Variants in LRMDA observed in about 807,000 individuals in gnomAD.
LRMDA encodes leucine rich melanocyte differentiation associated, also known as leucine-rich melanocyte differentiation-associated protein.
Under a neutral mutation model 29.8 loss-of-function variants are expected in LRMDA, and 18 were observed. The observed-to-expected ratio is 0.60, with a 90% CI of 0.42 to 0.90. LRMDA has a LOEUF of 0.90. Among genes scored for constraint, LRMDA ranks in the 40% least tolerant of loss-of-function variants. The pLI, the probability that LRMDA is intolerant of heterozygous loss-of-function variation, is 0.00. For missense variants in LRMDA, 273 were observed against 273.9 expected, an observed-to-expected ratio of 1.00 and a Z score of 0.02; for synonymous variants, 125 against 109.4, an observed-to-expected ratio of 1.14 and a Z score of -0.89.
intron 2 of LRMDA, among the ~76,000 whole-genome samples, chr10:75,825,298 T>A (rs1241307977): frequency 6.6e-6 from 1 of 152,178 alleles, no homozygotes; most frequent in African/African-American, 2.4e-5. Context: ...CTACAAACTT[T>A]GGGTGGTGTT....
chr10:75,956,105 CA>C (rs1466453325), intron 2 of LRMDA, among the ~76,000 whole-genome samples: 3 of 152,168 alleles, frequency 2.0e-5, no homozygotes, highest in African/African-American at 7.2e-5. Flanking sequence ...GTCAGGACTG[CA>C]GTCACCTGAA....
intron 5 of LRMDA, among the ~76,000 whole-genome samples, chr10:76,147,970 G>A (rs1850361225): frequency 6.6e-6 from 1 of 152,142 alleles, no homozygotes; most frequent in Non-Finnish European, 1.5e-5. Context: ...TGTTTGCCTG[G>A]GTATCACCAG....
chr10:76,430,253 A>T (rs1564539342), intron 6 of LRMDA, among the ~76,000 whole-genome samples: 1 of 152,196 alleles, frequency 6.6e-6, no homozygotes, highest in Non-Finnish European at 1.5e-5. Context: ...TTAGCCTGGC[A>T]TTGTTAATTG....
chr10:75,435,559 A>T (rs1367711142), intron 1 of LRMDA, among the ~76,000 whole-genome samples: 1 of 152,222 alleles, frequency 6.6e-6, no homozygotes, highest in Non-Finnish European at 1.5e-5. Context: ...GTTGGTTCTC[A>T]TGCTAAACTT....
chr10:76,421,255 CATT>C (rs1349135768), intron 6 of LRMDA, among the ~76,000 whole-genome samples: 5 of 152,088 alleles, frequency 3.3e-5, no homozygotes, highest in African/African-American at 9.7e-5. Flanking sequence ...CCTCTTTTGT[CATT>C]ATGAAATATT....
chr10:76,134,886 A>G (rs1034963541), intron 5 of LRMDA, among the ~76,000 whole-genome samples: 1 of 152,254 alleles, frequency 6.6e-6, no homozygotes, highest in Non-Finnish European at 1.5e-5. Context: ...TAATACAACT[A>G]TGAGGCAAAA....
At chr10:75,979,421 T>C (rs1365874175) in intron 2 of LRMDA, among the ~76,000 whole-genome samples, 1 of 152,174 alleles carries the variant, frequency 6.6e-6, no homozygotes, top group Non-Finnish European at 1.5e-5. Flanking sequence ...TATATGATAA[T>C]AACATTGATT....
At position 75,738,978 on chromosome 10, in the gene LRMDA, A is replaced by G. The variant is rs76240776; in HGVS notation, c.132-297030A>G. On this transcript the variant is annotated intron_variant, in intron 2 of 6. Coordinates refer to ENST00000611255, the MANE Select transcript of LRMDA (RefSeq NM_001305581.2). ...CTGCAAATGGAAGACTTGCTGAGGT[A>G]GCACCTGGCTGATTAGCAACTTTTG... 3.9e-5 allele frequency among the ~76,000 whole-genome samples: 6 copies of G among 152,332 alleles called. No homozygotes were observed. The East Asian group carries it at 1.2e-3, about 29-fold the overall frequency.
At chr10:76,416,475 C>T (rs566969837) in intron 6 of LRMDA, among the ~76,000 whole-genome samples, 1 of 152,266 alleles carries the variant, frequency 6.6e-6, no homozygotes, top group South Asian at 2.1e-4. Context: ...TACTATGCTG[C>T]CTTTTTTCCC....
At chr10:75,687,978 C>T (rs1842102842) in intron 2 of LRMDA, among the ~76,000 whole-genome samples, 1 of 152,156 alleles carries the variant, frequency 6.6e-6, no homozygotes, top group Non-Finnish European at 1.5e-5. Flanking sequence ...ACTGTTGAGA[C>T]CTACTGCTCA....
chr10:76,518,742 TAA>T (rs937385749), intron 6 of LRMDA, among the ~76,000 whole-genome samples: 1 of 152,080 alleles, frequency 6.6e-6, no homozygotes, highest in Non-Finnish European at 1.5e-5. Flanking sequence ...TACATAACAG[TAA>T]AAGATTTCAA....
chr10:76,065,200 G>GA, intron 5 of LRMDA, among the ~76,000 whole-genome samples: 1 of 152,294 alleles, frequency 6.6e-6, no homozygotes, highest in South Asian at 2.1e-4. Flanking sequence ...TTAGAACCAT[G>GA]GCATCCTGTG....
chr10:76,496,573 G>C (rs1842880500), intron 6 of LRMDA, among the ~76,000 whole-genome samples: 1 of 75,450 alleles, frequency 1.3e-5, no homozygotes, highest in African/African-American at 3.2e-5. Context: ...AGTTTATCTG[G>C]TTGGAATTGA....
intron 6 of LRMDA, among the ~76,000 whole-genome samples, chr10:76,457,869 A>G (rs897197026): frequency 9.9e-5 from 15 of 152,184 alleles, no homozygotes; most frequent in African/African-American, 3.6e-4. Context: ...TATAGGGTGT[A>G]GCTGCTGCAA....
chr10:75,790,170 G>A (rs756181973), intron 2 of LRMDA, among the ~76,000 whole-genome samples: 56 of 152,046 alleles, frequency 3.7e-4, no homozygotes, highest in South Asian at 6.2e-4. Flanking sequence ...TGTTGTGGGG[G>A]CCGTCCTGTG....
chr10:75,554,786 G>C (rs1026074174), intron 2 of LRMDA, among the ~76,000 whole-genome samples: 1 of 152,170 alleles, frequency 6.6e-6, no homozygotes, highest in African/African-American at 2.4e-5. Flanking sequence ...TTTCTTTGAG[G>C]CCTAGTTTCC....
At chr10:75,740,269 A>C (rs1842813801) in intron 2 of LRMDA, among the ~76,000 whole-genome samples, 1 of 152,164 alleles carries the variant, frequency 6.6e-6, no homozygotes, top group Non-Finnish European at 1.5e-5. Flanking sequence ...GACCGACGGG[A>C]GCTGGAGGCT....
intron 6 of LRMDA, among the ~76,000 whole-genome samples, chr10:76,536,504 G>T (rs1265765419): frequency 6.6e-6 from 1 of 152,028 alleles, no homozygotes; most frequent in Non-Finnish European, 1.5e-5. Context: ...ACTGAAGAGC[G>T]ATTGATCTAG....
At position 75,549,207 on chromosome 10, in the gene LRMDA, A is replaced by G. The variant is rs1311169830; in HGVS notation, c.131+110713A>G. On this transcript the variant is annotated intron_variant, in intron 2 of 6. Transcript: ENST00000611255. Reference sequence around the variant, plus strand: ...GTGTGAATGTATCAGAATTCTTGACACGTTCACCATTTGATGGCTGTTTGG... The same window carrying G: ...GTGTGAATGTATCAGAATTCTTGACGCGTTCACCATTTGATGGCTGTTTGG... Among the ~76,000 whole-genome samples, 3 of 152,116 alleles carry G rather than the reference A, an allele frequency of 2.0e-5. No individual in the cohort carries two copies. In the East Asian group the frequency reaches 5.8e-4, roughly 29 times the overall value.
Sources: gnomAD v4.1 joint callset for allele counts (sites outside exome capture counted in the v4.1 genomes callset) on GRCh38, gnomAD v4.1.1 for gene constraint, MANE v1.5 for transcripts, NCBI Gene and HGNC (gene_info 2026-07-23, HGNC 2026-07-21) for gene names.